The following DLGAP2 variants were observed in gnomAD, a reference collection of about 807,000 sequenced individuals.
DLGAP2 encodes disks large-associated protein 2.
A neutral mutation model predicts 100.3 loss-of-function variants in DLGAP2; 26 were observed. That is an observed-to-expected ratio of 0.26 (90% CI 0.19 to 0.36). The LOEUF (loss-of-function observed/expected upper bound fraction) is 0.36, where lower values mean the gene tolerates loss of function less well. DLGAP2 is among the 10% of genes least tolerant of loss of function. The pLI is 1.00. For synonymous variants in DLGAP2, 886 were observed against 630.1 expected, an observed-to-expected ratio of 1.41 and a Z score of -6.08; for missense variants, 1,858 against 1,453.2, an observed-to-expected ratio of 1.28 and a Z score of -4.53.
At chr8:817,168 T>C (rs1001098573) in intron 1 of DLGAP2, among the ~76,000 whole-genome samples, 1 of 151,772 alleles carries the variant, frequency 6.6e-6, no homozygotes, top group African/African-American at 2.4e-5. Flanking sequence ...AAGAAAGTTA[T>C]CTTTTCTTTG....
intron 2 of DLGAP2, among the ~76,000 whole-genome samples, chr8:1,210,413 G>T (rs1798079159): frequency 6.6e-6 from 1 of 152,242 alleles, no homozygotes; most frequent in Non-Finnish European, 1.5e-5. Context: ...CTTGAGGGCT[G>T]ACCCTGTTAA....
chr8:1,228,977 A>T (rs1014005734), intron 2 of DLGAP2, among the ~76,000 whole-genome samples: 2 of 152,190 alleles, frequency 1.3e-5, no homozygotes, highest in Non-Finnish European at 2.9e-5. Flanking sequence ...GAAAGGAAGA[A>T]GCAAAACAAT....
chr8:1,622,014 C>A (rs1226484124), intron 6 of DLGAP2: 1 of 152,208 alleles, frequency 6.6e-6, no homozygotes, highest in Non-Finnish European at 1.5e-5. Context: ...TGGAAAGAAG[C>A]CATTTTCTGA....
At chr8:913,657 C>T (rs754206226) in intron 2 of DLGAP2, among the ~76,000 whole-genome samples, 9 of 152,198 alleles carry the variant, frequency 5.9e-5, no homozygotes, top group Admixed American at 1.3e-4. Flanking sequence ...TGTAACTTTG[C>T]TGTGAGATAG....
chr8:1,275,541 A>T (rs1305046965), intron 3 of DLGAP2, among the ~76,000 whole-genome samples: 3 of 151,366 alleles, frequency 2.0e-5, no homozygotes, highest in African/African-American at 4.9e-5. Flanking sequence ...CATCATTTTC[A>T]TGCAAACTGA....
intron 3 of DLGAP2, among the ~76,000 whole-genome samples, chr8:1,419,631 C>G (rs1232943522): frequency 1.3e-5 from 2 of 152,068 alleles, no homozygotes; most frequent in African/African-American, 4.8e-5. Context: ...ATCACTAATC[C>G]CCAGGGAAGT....
intron 1 of DLGAP2, among the ~76,000 whole-genome samples, chr8:894,575 T>C (rs1283864956): frequency 7.6e-6 from 1 of 131,292 alleles, no homozygotes; most frequent in African/African-American, 3.0e-5. Flanking sequence ...ACAAGGCAAA[T>C]GTATGGAGGC....
intron 2 of DLGAP2, among the ~76,000 whole-genome samples, chr8:1,027,332 C>T (rs978011614): frequency 2.0e-5 from 3 of 150,936 alleles, no homozygotes; most frequent in African/African-American, 7.3e-5. Flanking sequence ...TGCCAGGCAC[C>T]CATTCTCCAG....
chr8:1,011,352 G>T (rs1801279745), intron 2 of DLGAP2, among the ~76,000 whole-genome samples: 2 of 149,424 alleles, frequency 1.3e-5, no homozygotes, highest in Non-Finnish European at 3.0e-5. Flanking sequence ...TGCACAGTGA[G>T]CCCTGGAATG....
intron 1 of DLGAP2, among the ~76,000 whole-genome samples, chr8:754,689 A>C (rs973732298): frequency 6.6e-6 from 1 of 152,082 alleles, no homozygotes; most frequent in Admixed American, 6.5e-5. Flanking sequence ...ACCTCTAAAA[A>C]ATAATTAGCC....
intron 7 of DLGAP2, among the ~76,000 whole-genome samples, chr8:1,631,719 C>T (rs1462327670): frequency 6.6e-6 from 1 of 152,214 alleles, no homozygotes; most frequent in Admixed American, 6.5e-5. Flanking sequence ...TGCTCACCCC[C>T]TGCCTCTCCA....
intron 2 of DLGAP2, among the ~76,000 whole-genome samples, chr8:933,379 G>T (rs1381720179): frequency 1.3e-5 from 2 of 150,786 alleles, no homozygotes; most frequent in African/African-American, 4.9e-5. Flanking sequence ...AGCCTGCTGT[G>T]CAGATACCTG....
intron 1 of DLGAP2, among the ~76,000 whole-genome samples, chr8:882,358 C>CCCTTGCGCGCA (rs1797822612): frequency 6.6e-6 from 1 of 150,638 alleles, no homozygotes; most frequent in African/African-American, 2.5e-5. Flanking sequence ...GCGGAGGCCT[C>CCCTTGCGCGCA]CCCTGCGCGC....
chr8:1,419,205 C>CGTGTGT lies in DLGAP2; in HGVS notation c.107-82138_107-82133dup, dbSNP rs59073892. Among the ~76,000 whole-genome samples the CGTGTGT allele has an allele frequency of 3.0e-4, 22 of 73,808 alleles. 1 individual carries two copies. Among genetic ancestry groups the CGTGTGT allele is most frequent in the African/African-American group, 1.0e-3 (22 of 20,986 alleles). The allele number at this position is 73,808 out of a possible 152,430, so 48.4% of individuals were successfully genotyped here. On this transcript the variant is annotated intron_variant, in intron 3 of 14. Coordinates refer to ENST00000637795, the MANE Select transcript of DLGAP2 (RefSeq NM_001346810.2). ...ATACTGTGTTACACTCTGATGCGTG[C>CGTGTGT]GTGTGTGTGTGTGTGTGTGTGTGTG...
intron 2 of DLGAP2, among the ~76,000 whole-genome samples, chr8:1,110,639 G>A (rs1183717146): frequency 6.6e-6 from 1 of 151,818 alleles, no homozygotes; most frequent in Admixed American, 6.6e-5. Context: ...TACTGTCCCT[G>A]AAATTAGGGG....
At chr8:1,287,602 G>C (rs1305104027) in intron 3 of DLGAP2, among the ~76,000 whole-genome samples, 2 of 49,530 alleles carry the variant, frequency 4.0e-5, no homozygotes, top group East Asian at 4.1e-4. Context: ...GTGTGTGTAT[G>C]TGGTTCTGTT....
intron 2 of DLGAP2, among the ~76,000 whole-genome samples, chr8:1,169,256 C>G (rs906076660): frequency 2.0e-5 from 3 of 152,188 alleles, no homozygotes; most frequent in Admixed American, 6.5e-5. Context: ...TGTTTTGGTA[C>G]CAGTACCATG....
intron 2 of DLGAP2, among the ~76,000 whole-genome samples, chr8:1,203,170 A>C (rs1165090845): frequency 6.6e-6 from 1 of 152,172 alleles, no homozygotes; most frequent in Non-Finnish European, 1.5e-5. Flanking sequence ...TATTCCTATT[A>C]ACACGATGTG....
chr8:1,157,187 C>G (rs1356881079), intron 2 of DLGAP2, among the ~76,000 whole-genome samples: 1 of 152,110 alleles, frequency 6.6e-6, no homozygotes, highest in Non-Finnish European at 1.5e-5. Context: ...CTGTGATCAG[C>G]CTGTGGGTTC....
Sources: allele counts gnomAD v4.1 joint callset (sites outside exome capture counted in the v4.1 genomes callset), GRCh38; gene constraint gnomAD v4.1.1; transcripts MANE v1.5; gene names NCBI Gene and HGNC (gene_info 2026-07-23, HGNC 2026-07-21).